GTF2H1: variants seen among roughly 807,000 people sequenced by gnomAD.
GTF2H1 encodes the protein BTF2 p62.
GTF2H1 carries 16 observed loss-of-function variants against 71.2 expected under a neutral mutation model. The ratio of observed to expected loss-of-function variants is 0.22; its 90% CI spans 0.15 to 0.34. The LOEUF is 0.34. GTF2H1 is among the 10% of genes least tolerant of loss of function. The pLI is 1.00. For synonymous variants in GTF2H1, 215 were observed against 219.0 expected (o/e 0.98, Z 0.16); for missense variants, 498 against 648.2 (o/e 0.77, Z 2.52).
intron 6 of GTF2H1, 56 bp from the exon 7 acceptor site, chr11:18,341,472 G>T (rs1010281920): frequency 6.2e-7 from 1 of 1,601,372 alleles, no homozygotes; most frequent in African/African-American, 1.3e-5. Flanking sequence ...CATTATAAGT[G>T]TTAATTTCTG....
chr11:18,355,469 A>G (rs1865522900), intron 11 of GTF2H1, among the ~76,000 whole-genome samples: 1 of 149,170 alleles, frequency 6.7e-6, no homozygotes, highest in Non-Finnish European at 1.5e-5. Context: ...ACCAAGGTAC[A>G]ACTTAACATA....
intron 1 of GTF2H1, among the ~76,000 whole-genome samples, chr11:18,327,529 C>T (rs1305904200): frequency 6.6e-6 from 1 of 152,158 alleles, no homozygotes; most frequent in African/African-American, 2.4e-5. Flanking sequence ...GAACCTACCT[C>T]ATGGGATTAT....
At chr11:18,339,697 G>C (rs1372347229) in intron 5 of GTF2H1, 40 bp downstream of exon 5, 17 of 1,131,590 alleles carry the variant, frequency 1.5e-5, no homozygotes, top group Non-Finnish European at 2.0e-5. Flanking sequence ...AAAATATATG[G>C]ATATATTCTA....
intron 5 of GTF2H1, 150 bp from the exon 6 acceptor site, chr11:18,341,111 C>A: frequency 1.7e-6 from 1 of 600,664 alleles, no homozygotes; most frequent in South Asian, 2.4e-5. Context: ...CTCAAGTTAC[C>A]CTTCATATTT....
chr11:18,341,674 C>G, intron 7 of GTF2H1, 67 bp downstream of exon 7: 1 of 928,874 alleles, frequency 1.1e-6, no homozygotes, highest in South Asian at 1.5e-5. Context: ...TTGTCTTAAG[C>G]GTAGTAGACC....
intron 1 of GTF2H1, among the ~76,000 whole-genome samples, chr11:18,326,697 A>G (rs1864776154): frequency 6.6e-6 from 1 of 152,078 alleles, no homozygotes; most frequent in African/African-American, 2.4e-5. Flanking sequence ...AGTTAATTGG[A>G]GACTTGCTCT....
chr11:18,357,301 A>G (rs1865578233), intron 11 of GTF2H1, among the ~76,000 whole-genome samples: 1 of 152,256 alleles, frequency 6.6e-6, no homozygotes. Context: ...TGATGTTGAT[A>G]CAGTGGGGAG....
intron 1 of GTF2H1, among the ~76,000 whole-genome samples, chr11:18,331,438 G>A (rs368789713): frequency 3.3e-4 from 50 of 152,130 alleles, no homozygotes; most frequent in African/African-American, 1.1e-3. Flanking sequence ...AGGCCAAGGC[G>A]GGTGGATCAC....
intron 13 of GTF2H1, among the ~76,000 whole-genome samples, chr11:18,360,250 G>A (rs1865664563): frequency 6.6e-6 from 1 of 152,086 alleles, no homozygotes; most frequent in African/African-American, 2.4e-5. Flanking sequence ...AGCCTCCTGA[G>A]TAGCTGGGAC....
intron 7 of GTF2H1, among the ~76,000 whole-genome samples, chr11:18,344,876 C>T (rs1400639594): frequency 6.6e-6 from 1 of 152,112 alleles, no homozygotes; most frequent in Non-Finnish European, 1.5e-5. Context: ...TGCTTGTTCC[C>T]TAACCAGCTT....
intron 9 of GTF2H1, among the ~76,000 whole-genome samples, chr11:18,351,274 A>G (rs956516414): frequency 7.3e-6 from 1 of 137,450 alleles, no homozygotes; most frequent in African/African-American, 2.7e-5. Context: ...AAAAGCGGGC[A>G]AAGAGGCGGA....
At chr11:18,364,069 A>G (rs1211327189) in intron 14 of GTF2H1, among the ~76,000 whole-genome samples, 1 of 151,890 alleles carries the variant, frequency 6.6e-6, no homozygotes, top group Non-Finnish European at 1.5e-5. Flanking sequence ...GTGAAACTCC[A>G]TCTCAAAAAA....
chr11:18,349,916 G>A lies in GTF2H1; in HGVS notation c.1054-1965G>A, dbSNP rs1353318704. ...TGGGCAGCATTACCTACTATAAAGT[G>A]TATTTTCTAATAAAATGTTGAATAT... On this transcript the variant is annotated intron_variant, in intron 9 of 14. Transcript: ENST00000265963. 2.6e-5 allele frequency among the ~76,000 whole-genome samples: 4 copies of A among 152,256 alleles called. 1 individual carries two copies. Among genetic ancestry groups the A allele is most frequent in the Middle Eastern group, 6.8e-3 (2 of 294 alleles).
At chr11:18,351,620 T>G (rs1865427571) in intron 9 of GTF2H1, 2 of 242,796 alleles carry the variant, frequency 8.2e-6, no homozygotes, top group African/African-American at 4.4e-5. Flanking sequence ...AATAATAAAA[T>G]GTAAACTTTC....
At chr11:18,333,844 T>G (rs1038199510) in intron 2 of GTF2H1, among the ~76,000 whole-genome samples, 1 of 152,228 alleles carries the variant, frequency 6.6e-6, no homozygotes, top group Non-Finnish European at 1.5e-5. Flanking sequence ...TTCACTAAAA[T>G]TGTACCAGTT....
At chr11:18,357,923 C>T (rs1168396483) in intron 11 of GTF2H1, 29 bp from the exon 12 acceptor site, 6 of 1,375,040 alleles carry the variant, frequency 4.4e-6, no homozygotes, top group Non-Finnish European at 5.2e-6. Flanking sequence ...GGAGGAAAAC[C>T]AGTTTTAATG....
intron 1 of GTF2H1, among the ~76,000 whole-genome samples, chr11:18,330,603 C>G (rs1165048348): frequency 6.6e-6 from 1 of 152,190 alleles, no homozygotes; most frequent in African/African-American, 2.4e-5. Flanking sequence ...GCTATGTGTC[C>G]TGGACCATGA....
chr11:18,327,080 T>G (rs1165262224), intron 1 of GTF2H1, among the ~76,000 whole-genome samples: 2 of 152,112 alleles, frequency 1.3e-5, no homozygotes, highest in Non-Finnish European at 2.9e-5. Context: ...AAGAATTGCA[T>G]AGTTATATGT....
intron 1 of GTF2H1, among the ~76,000 whole-genome samples, chr11:18,325,004 T>C (rs144848572): frequency 1.3e-5 from 2 of 152,370 alleles, no homozygotes; most frequent in Non-Finnish European, 2.9e-5. Flanking sequence ...TACATACTTA[T>C]AAAGTTATTC....
Sources: gnomAD v4.1 joint callset for allele counts (sites outside exome capture counted in the v4.1 genomes callset) on GRCh38, gnomAD v4.1.1 for gene constraint, MANE v1.5 for transcripts, NCBI Gene and HGNC (gene_info 2026-07-23, HGNC 2026-07-21) for gene names.